PTPRD: variants seen among roughly 807,000 people sequenced by gnomAD.
PTPRD encodes receptor-type tyrosine-protein phosphatase delta.
A neutral mutation model predicts 214.5 loss-of-function variants in PTPRD; 34 were observed. The ratio of observed to expected loss-of-function variants is 0.16; its 90% CI spans 0.12 to 0.21. The LOEUF (loss-of-function observed/expected upper bound fraction) is 0.21. Ranked by LOEUF, PTPRD falls within the 10% of genes least tolerant of loss-of-function variation. The pLI is 1.00. For missense variants in PTPRD, 2,545 were observed against 2,398.7 expected, an observed-to-expected ratio of 1.06 and a Z score of -1.27; for synonymous variants, 1,128 against 845.7, an observed-to-expected ratio of 1.33 and a Z score of -5.79.
At chr9:8,454,567 C>G in intron 33 of PTPRD, 1 of 1,612,970 alleles carries the variant, frequency 6.2e-7, no homozygotes, top group Non-Finnish European at 8.5e-7. Flanking sequence ...GGGGTTTGTT[C>G]TCTATTCCTC....
At chr9:10,004,323 T>A (rs1187504842) in intron 4 of PTPRD, among the ~76,000 whole-genome samples, 1 of 151,982 alleles carries the variant, frequency 6.6e-6, no homozygotes, top group Non-Finnish European at 1.5e-5. Context: ...GAATTTGCCA[T>A]GTGGAAACAA....
chr9:8,807,459 C>T (rs1342816816), intron 11 of PTPRD, among the ~76,000 whole-genome samples: 1 of 152,166 alleles, frequency 6.6e-6, no homozygotes, highest in Non-Finnish European at 1.5e-5. Flanking sequence ...CCAATCAATA[C>T]TAATGAACAC....
rs537467405 is a variant in PTPRD, at chr9:9,561,706, A to G, written c.-237+13026T>C. On this transcript the variant is annotated intron_variant, in intron 8 of 45. Transcript: ENST00000381196. ...AAAGAAGGGTACTAATTTATAAAAC[A>G]TCCGTGTTGGTAAAAATCTGTTTCT... is the stretch of plus-strand genomic sequence containing the variant. 7.2e-5 allele frequency among the ~76,000 whole-genome samples: 11 copies of G among 152,296 alleles called. No homozygotes were observed. The East Asian group carries it at 2.1e-3, about 29-fold the overall frequency.
At chr9:10,161,476 G>C (rs141865948) in intron 3 of PTPRD, among the ~76,000 whole-genome samples, 1 of 151,696 alleles carries the variant, frequency 6.6e-6, no homozygotes, top group African/African-American at 2.4e-5. Flanking sequence ...AGATGGTTCT[G>C]AGAAAACTGG....
At chr9:8,575,745 G>C (rs1224993627) in intron 14 of PTPRD, among the ~76,000 whole-genome samples, 1 of 152,154 alleles carries the variant, frequency 6.6e-6, no homozygotes, top group African/African-American at 2.4e-5. Flanking sequence ...TTCAAAATGA[G>C]TTTAAGTTGC....
intron 9 of PTPRD, among the ~76,000 whole-genome samples, chr9:9,278,214 C>T (rs567539620): frequency 3.2e-4 from 48 of 151,196 alleles, no homozygotes; most frequent in Non-Finnish European, 4.9e-4. Flanking sequence ...TTTGTTTAAC[C>T]GGTTATCTCT....
At chr9:9,777,346 C>T (rs4742617) in intron 5 of PTPRD, among the ~76,000 whole-genome samples, 1 of 151,906 alleles carries the variant, frequency 6.6e-6, no homozygotes, top group South Asian at 2.1e-4. Flanking sequence ...CACACACACA[C>T]ACACACACCC....
intron 35 of PTPRD, among the ~76,000 whole-genome samples, chr9:8,422,213 A>G (rs1260795259): frequency 1.3e-5 from 2 of 151,836 alleles, no homozygotes; most frequent in Non-Finnish European, 2.9e-5. Context: ...CAATAATAAA[A>G]TGATGAAGAA....
At chr9:9,714,231 A>T (rs2097781446) in intron 7 of PTPRD, among the ~76,000 whole-genome samples, 1 of 152,128 alleles carries the variant, frequency 6.6e-6, no homozygotes, top group Non-Finnish European at 1.5e-5. Context: ...GCTATAGCAC[A>T]TGTTGTCTTG....
chr9:10,539,873 G>C (rs1316648995), intron 2 of PTPRD, among the ~76,000 whole-genome samples: 2 of 152,076 alleles, frequency 1.3e-5, no homozygotes, highest in African/African-American at 4.8e-5. Context: ...CAAATTTTAG[G>C]TGAGGGGCCC....
chr9:9,178,334 T>C (rs1389276254), intron 10 of PTPRD, among the ~76,000 whole-genome samples: 2 of 152,164 alleles, frequency 1.3e-5, no homozygotes, highest in African/African-American at 4.8e-5. Context: ...TTCTTTCTTT[T>C]CTTTTCTCTC....
chr9:9,132,261 G>A (rs1189511546), intron 10 of PTPRD, among the ~76,000 whole-genome samples: 1 of 151,992 alleles, frequency 6.6e-6, no homozygotes, highest in East Asian at 1.9e-4. Context: ...CGCCCGCTTC[G>A]GCCTCCCAAA....
At chr9:10,078,514 TAAAAAAAA>T in intron 3 of PTPRD, among the ~76,000 whole-genome samples, 1 of 78,778 alleles carries the variant, frequency 1.3e-5, no homozygotes, top group South Asian at 4.5e-4. Flanking sequence ...AGACTCCATC[TAAAAAAAA>T]AAAAAAAAAA....
At chr9:10,017,105 T>G (rs2096733984) in intron 4 of PTPRD, among the ~76,000 whole-genome samples, 1 of 152,210 alleles carries the variant, frequency 6.6e-6, no homozygotes, top group Admixed American at 6.5e-5. Context: ...GTGAATAAAG[T>G]TCCCAATCAT....
intron 10 of PTPRD, among the ~76,000 whole-genome samples, chr9:9,129,853 G>C (rs1474092194): frequency 2.0e-5 from 3 of 152,124 alleles, no homozygotes; most frequent in Non-Finnish European, 4.4e-5. Flanking sequence ...ATAGTATTGA[G>C]GAGTACAGAC....
intron 4 of PTPRD, among the ~76,000 whole-genome samples, chr9:9,982,149 C>A (rs1265760983): frequency 6.6e-6 from 1 of 152,130 alleles, no homozygotes; most frequent in East Asian, 1.9e-4. Flanking sequence ...TCCTGTAATT[C>A]CGAAAGGGTT....
chr9:10,025,260 G>T (rs574148212), intron 4 of PTPRD, among the ~76,000 whole-genome samples: 1 of 152,268 alleles, frequency 6.6e-6, no homozygotes, highest in East Asian at 1.9e-4. Flanking sequence ...GTGTAAAAGT[G>T]TTCCTATTTC....
chr9:9,541,405 A>C (rs1011346112), intron 8 of PTPRD, among the ~76,000 whole-genome samples: 2 of 151,770 alleles, frequency 1.3e-5, no homozygotes, highest in African/African-American at 2.4e-5. Context: ...AGGCCCCAGA[A>C]ATAGGAGAGA....
At chr9:9,537,991 T>A (rs828826) in intron 8 of PTPRD, among the ~76,000 whole-genome samples, 1 of 151,546 alleles carries the variant, frequency 6.6e-6, no homozygotes, top group Admixed American at 6.6e-5. Flanking sequence ...TTTTACAATC[T>A]CCCCTACTAC....
Sources: allele counts gnomAD v4.1 joint callset (sites outside exome capture counted in the v4.1 genomes callset), GRCh38; gene constraint gnomAD v4.1.1; transcripts MANE v1.5; gene names NCBI Gene and HGNC (gene_info 2026-07-23, HGNC 2026-07-21).